NUP210L: variants seen among roughly 807,000 people sequenced by gnomAD.
NUP210L encodes nucleoporin 210 like, also known as nuclear pore membrane glycoprotein 210-like.
In NUP210L, 74 loss-of-function variants were observed where a neutral mutation model predicts 208.5. That is an observed-to-expected ratio of 0.35 (90% CI 0.29 to 0.43). NUP210L has a LOEUF of 0.43. Ranked by LOEUF, NUP210L falls within the 20% of genes least tolerant of loss-of-function variation. The pLI is 1.00. For missense variants in NUP210L, 1,843 were observed against 2,289.4 expected, an observed-to-expected ratio of 0.81 and a Z score of 3.98; for synonymous variants, 780 against 816.9, an observed-to-expected ratio of 0.95 and a Z score of 0.77.
At chr1:154,147,746 C>G (rs149129624) in intron 2 of NUP210L, among the ~76,000 whole-genome samples, 4 of 150,874 alleles carry the variant, frequency 2.7e-5, no homozygotes, top group African/African-American at 9.7e-5. Flanking sequence ...CTCTGGGGTT[C>G]TGGGGTTCAA....
At chr1:154,106,221 A>G (rs1235390524) in intron 12 of NUP210L, among the ~76,000 whole-genome samples, 1 of 152,132 alleles carries the variant, frequency 6.6e-6, no homozygotes, top group Non-Finnish European at 1.5e-5. Context: ...AGATCATGCC[A>G]CTGCACTCCA....
intron 29 of NUP210L, among the ~76,000 whole-genome samples, 187 bp from the exon 30 acceptor site, chr1:154,025,903 C>A (rs1051597601): frequency 2.0e-5 from 3 of 152,052 alleles, no homozygotes; most frequent in African/African-American, 7.2e-5. Context: ...TCTTTAAAAT[C>A]AAATCTTATT....
chr1:154,115,286 C>A (rs1411632960), intron 12 of NUP210L, among the ~76,000 whole-genome samples: 1 of 152,184 alleles, frequency 6.6e-6, no homozygotes, highest in Non-Finnish European at 1.5e-5. Flanking sequence ...ATTGGCAAAG[C>A]TTTCTGTAAA....
chr1:154,107,707 A>G (rs1328963027), intron 12 of NUP210L, among the ~76,000 whole-genome samples: 2 of 151,942 alleles, frequency 1.3e-5, no homozygotes. Context: ...CTCTACTAAA[A>G]ATAGAAAGAA....
chr1:154,054,635 T>C, intron 24 of NUP210L, 135 bp downstream of exon 24: 1 of 772,456 alleles, frequency 1.3e-6, no homozygotes, highest in South Asian at 1.7e-5. Flanking sequence ...AATACTAATC[T>C]TGTTCTTTAT....
At chr1:154,125,586 C>T (rs1055675045) in intron 10 of NUP210L, among the ~76,000 whole-genome samples, 1 of 144,414 alleles carries the variant, frequency 6.9e-6, no homozygotes, top group Non-Finnish European at 1.5e-5. Flanking sequence ...TGCACCACTG[C>T]ACTCCATCCT....
intron 28 of NUP210L, among the ~76,000 whole-genome samples, chr1:154,028,468 TCTCAGGTA>T (rs1349095593): frequency 6.6e-6 from 1 of 152,028 alleles, no homozygotes; most frequent in Non-Finnish European, 1.5e-5. Flanking sequence ...ATGCCTGTAA[TCTCAGGTA>T]CTCAGGAGGC....
At chr1:154,082,151 T>C (rs369510817) in intron 16 of NUP210L, among the ~76,000 whole-genome samples, 3 of 152,128 alleles carry the variant, frequency 2.0e-5, no homozygotes, top group African/African-American at 7.2e-5. Context: ...ACAAAATGAT[T>C]TGTATCCTTT....
chr1:154,136,783 A>G (rs1264633732), intron 6 of NUP210L, among the ~76,000 whole-genome samples: 3 of 149,436 alleles, frequency 2.0e-5, no homozygotes, highest in Non-Finnish European at 4.5e-5. Flanking sequence ...AGCTGGGCGT[A>G]GTGGCGGGCT....
intron 27 of NUP210L, among the ~76,000 whole-genome samples, chr1:154,034,868 A>C (rs1652446493): frequency 2.1e-5 from 3 of 142,440 alleles, no homozygotes; most frequent in South Asian, 4.4e-4. Context: ...TTGAGATGGA[A>C]TCTTGCTCTG....
chr1:153,997,960 G>A (rs1236275608), intron 37 of NUP210L, among the ~76,000 whole-genome samples: 6 of 151,644 alleles, frequency 4.0e-5, no homozygotes, highest in Non-Finnish European at 8.8e-5. Context: ...CACCCGGCTC[G>A]GCCATCCAAA....
intron 37 of NUP210L, chr1:153,996,099 T>C (rs1037136920): frequency 7.9e-5 from 23 of 292,660 alleles, no homozygotes; most frequent in Middle Eastern, 2.7e-3. Flanking sequence ...AAGACCATCC[T>C]GGCTAACATG....
chr1:154,048,416 C>T (rs1313537942), intron 25 of NUP210L, among the ~76,000 whole-genome samples: 4 of 152,160 alleles, frequency 2.6e-5, no homozygotes, highest in Non-Finnish European at 5.9e-5. Context: ...TGAGCTTTTT[C>T]CTTTTAAAAT....
At chr1:154,072,613 T>G (rs1414967038) in intron 16 of NUP210L, among the ~76,000 whole-genome samples, 2 of 152,084 alleles carry the variant, frequency 1.3e-5, no homozygotes, top group East Asian at 1.9e-4. Flanking sequence ...ATTACAGGCG[T>G]GAGCCACCGC....
chr1:154,139,742 G>T (rs1658738988), intron 5 of NUP210L, 60 bp downstream of exon 5: 2 of 1,306,070 alleles, frequency 1.5e-6, no homozygotes, highest in Non-Finnish European at 2.2e-6. Flanking sequence ...CTGGGCAACA[G>T]AGTTAGACCA....
At chr1:154,056,768 T>C in intron 23 of NUP210L, 47 bp downstream of exon 23, 2 of 1,525,482 alleles carry the variant, frequency 1.3e-6, no homozygotes, top group Non-Finnish European at 1.8e-6. Flanking sequence ...AGACAAATGA[T>C]GTTAAGCAAG....
chr1:154,058,601 T>C (rs981693816), exon 21 of NUP210L: 15 of 1,613,878 alleles, frequency 9.3e-6, no homozygotes, highest in Non-Finnish European at 1.3e-5. Flanking sequence ...CTTGTATGTC[T>C]GACACCCTGA....
chr1:154,081,365 A>T (rs1425670420), intron 16 of NUP210L, among the ~76,000 whole-genome samples: 1 of 152,212 alleles, frequency 6.6e-6, no homozygotes, highest in Non-Finnish European at 1.5e-5. Flanking sequence ...ATAAAATAAT[A>T]ATCTATAATA....
chr1:154,069,366 C>T (rs1431727679), intron 17 of NUP210L, among the ~76,000 whole-genome samples: 1 of 152,156 alleles, frequency 6.6e-6, no homozygotes, highest in Non-Finnish European at 1.5e-5. Flanking sequence ...AATCAAACAA[C>T]CCCATCAAAA....
Sources: gnomAD v4.1 joint callset for allele counts (sites outside exome capture counted in the v4.1 genomes callset) on GRCh38, gnomAD v4.1.1 for gene constraint, MANE v1.5 for transcripts, NCBI Gene and HGNC (gene_info 2026-07-23, HGNC 2026-07-21) for gene names.